The following SAMM50 variants were observed in gnomAD, a reference collection of about 807,000 sequenced individuals.
The protein encoded by SAMM50 is SAMM50 sorting and assembly machinery component, also known as sorting and assembly machinery component 50 homolog.
In SAMM50, 47 loss-of-function variants were observed where a neutral mutation model predicts 66.9. The observed-to-expected ratio is 0.70, with a 90% CI of 0.56 to 0.90. The LOEUF is 0.90. Ranked by LOEUF, SAMM50 falls within the 40% of genes least tolerant of loss-of-function variation. SAMM50 has a pLI of 0.00. For missense variants in SAMM50, 535 were observed against 595.3 expected, an observed-to-expected ratio of 0.90 and a Z score of 1.05; for synonymous variants, 191 against 214.1, an observed-to-expected ratio of 0.89 and a Z score of 0.94.
chr22:43,971,688 G>A (rs929975703), intron 4 of SAMM50, among the ~76,000 whole-genome samples: 15 of 152,040 alleles, frequency 9.9e-5, no homozygotes, highest in African/African-American at 3.1e-4. Context: ...TTGTAGCAAA[G>A]GTAGATTGTT....
At chr22:43,986,440 C>T (rs1428991735) in intron 12 of SAMM50, 2 of 152,172 alleles carry the variant, frequency 1.3e-5, no homozygotes, top group Non-Finnish European at 2.9e-5. Flanking sequence ...CTCCTAGAAC[C>T]GTCTCTGACA....
chr22:43,966,858 T>C (rs1430254311), intron 3 of SAMM50, among the ~76,000 whole-genome samples: 2 of 152,118 alleles, frequency 1.3e-5, no homozygotes, highest in Non-Finnish European at 2.9e-5. Context: ...GTGAATTAAC[T>C]TGGTGTCTTC....
At chr22:43,964,875 G>C (rs9626072) in intron 3 of SAMM50, among the ~76,000 whole-genome samples, 1,809 of 152,252 alleles carry the variant, frequency 0.012, 42 homozygotes, top group African/African-American at 0.042. Context: ...CCCAGGCACC[G>C]CGCTGAGTTC....
chr22:43,964,544 C>T lies in SAMM50; in HGVS notation c.225C>T (p.Asn75=). The stretch of plus-strand genomic sequence containing the variant: ...TTGGAGATGTTTTCAAGGCCAAAAA[C>T]CTAATTGAGGTAGGTGTGGTCTCTA... ...CEIGDVFKAK[N]LIEVMRKSHE... is the part of the protein sequence containing the mutation. The change falls in exon 3 of 15, where the codon AAC becomes AAT. Residue 75 remains asparagine, a synonymous_variant. Coordinates refer to ENST00000350028, the MANE Select transcript of SAMM50 (RefSeq NM_015380.5). The T allele has an allele frequency of 6.3e-7, 1 of 1,577,342 alleles. No individual in the cohort carries two copies. The highest frequency in any genetic ancestry group is 8.7e-7 in the Non-Finnish European group (1 of 1,146,652).
At chr22:43,971,383 C>T (rs1475747660) in intron 4 of SAMM50, among the ~76,000 whole-genome samples, 2 of 152,214 alleles carry the variant, frequency 1.3e-5, no homozygotes, top group Admixed American at 6.5e-5. Context: ...CTGCACAAGG[C>T]ACCCCAGGGC....
intron 12 of SAMM50, chr22:43,987,037 T>G (rs2050298171): frequency 1.3e-5 from 2 of 152,256 alleles, no homozygotes; most frequent in Non-Finnish European, 2.9e-5. Context: ...TTTCATCTGT[T>G]TATTATAAGC....
In SAMM50 at chr22:43,972,982, C is replaced by T. The variant is rs535356871; in HGVS notation, c.541C>T (p.Pro181Ser). The T allele has an allele frequency of 6.3e-7, 1 of 1,590,402 alleles. No individual in the cohort carries two copies. The highest frequency in any genetic ancestry group is 8.5e-7 in the Non-Finnish European group (1 of 1,174,534). ...TGGCCTGTCCTTCTTCAAACCACGG[C>T]CCGGAAACTTCGAAAGAAAGTAGGA... is the stretch of plus-strand genomic sequence containing the variant. The part of the protein sequence containing the change: ...SYGLSFFKPR[P>S]GNFERNFSVN... Residue 181 changes from proline to serine, a missense_variant, in exon 6 of 15, where the codon CCC becomes TCC. Coordinates refer to ENST00000350028, the MANE Select transcript of SAMM50 (RefSeq NM_015380.5).
intron 1 of SAMM50, 79 bp from the exon 2 acceptor site, chr22:43,963,207 T>G (rs1603418658): frequency 2.3e-6 from 2 of 855,202 alleles, no homozygotes; most frequent in South Asian, 3.6e-5. Flanking sequence ...TGCAGCACCA[T>G]CTAAAGACAA....
chr22:43,962,075 T>G (rs893372339), intron 1 of SAMM50, among the ~76,000 whole-genome samples: 5 of 152,128 alleles, frequency 3.3e-5, no homozygotes, highest in African/African-American at 1.2e-4. Flanking sequence ...TCATCGTAAG[T>G]TGAAATGTAA....
At chr22:43,956,452 C>T (rs1421087151) in intron 1 of SAMM50, among the ~76,000 whole-genome samples, 2 of 152,212 alleles carry the variant, frequency 1.3e-5, no homozygotes, top group African/African-American at 2.4e-5. Flanking sequence ...GACTTAACTT[C>T]CCTTTATATG....
In SAMM50 at chr22:43,963,295, C is replaced by G; in HGVS notation, c.31C>G (p.Pro11Ala). The G allele has an allele frequency of 6.2e-7, 1 of 1,607,354 alleles. No individual in the cohort carries two copies. The highest frequency in any genetic ancestry group is 8.5e-7 in the Non-Finnish European group (1 of 1,176,734). Residue 11 changes from proline (P) to alanine (A), a missense_variant, in exon 2 of 15, where the codon CCT (proline) becomes GCT (alanine). Transcript: ENST00000350028. ...GCTCCCTCCCTTTCAGAGTTTGGAG[C>G]CTCTTCCATCAAGTGGACCTGATTT... MGTVHARSLE[P>A]LPSSGPDFGG...
rs556661981 is a variant in SAMM50, at chr22:43,956,210, C to G, written c.21+612C>G. On this transcript the variant is annotated intron_variant, in intron 1 of 14. Coordinates refer to ENST00000350028, the MANE Select transcript of SAMM50 (RefSeq NM_015380.5). ...TAACTGTACTGGTTGCCAAACTCCT[C>G]TCGTTTATCCTAATCTTAAATAAGG... 4.6e-5 allele frequency among the ~76,000 whole-genome samples: 7 copies of G among 152,330 alleles called. No homozygotes were observed. The East Asian group carries it at 1.2e-3, about 25-fold the overall frequency.
In SAMM50 at chr22:43,970,779, A is replaced by G. The variant is rs376075120; in HGVS notation, c.323-1457A>G. On this transcript the variant is annotated intron_variant, in intron 4 of 14. Coordinates refer to ENST00000350028, the MANE Select transcript of SAMM50 (RefSeq NM_015380.5). ...CCGCAACCCACTGTTGCTGGCTTCA[A>G]TTCTTTATCTTTCTGTGCGCCTAAA... 2.1e-4 allele frequency among the ~76,000 whole-genome samples: 32 copies of G among 152,074 alleles called. 1 individual carries two copies. Among genetic ancestry groups the G allele is most frequent in the East Asian group, 5.8e-4 (3 of 5,200 alleles).
At chr22:43,959,516 A>ACACACACACG (rs969022008) in intron 1 of SAMM50, among the ~76,000 whole-genome samples, 1 of 150,524 alleles carries the variant, frequency 6.6e-6, no homozygotes, top group Non-Finnish European at 1.5e-5. Flanking sequence ...TTACACACAC[A>ACACACACACG]CACACACACA....
chr22:43,990,459 A>G, intron 14 of SAMM50, 53 bp downstream of exon 14: 1 of 1,575,112 alleles, frequency 6.3e-7, no homozygotes, highest in Non-Finnish European at 8.7e-7. Flanking sequence ...CAGTAATTTT[A>G]TTTTGTTTTG....
Position 43,996,458 on chromosome 22 carries a change from A to T in SAMM50, c.*75A>T. 1 of 1,406,140 alleles carries T rather than the reference A, an allele frequency of 7.1e-7. No individual in the cohort carries two copies. The highest frequency in any genetic ancestry group is 1.7e-5 in the Admixed American group (1 of 59,530). The allele number at this position is 1,406,140 out of a possible 1,614,324, so 87.1% of individuals were successfully genotyped here. On this transcript the variant is annotated 3_prime_UTR_variant, in exon 15 of 15. Transcript: ENST00000350028. ...CCATGCCACACACCGTCTCTCGAGG[A>T]AACGCGGTTCAGCGATTCTTTGACT...
chr22:43,984,486 T>C (rs998432980), intron 12 of SAMM50, among the ~76,000 whole-genome samples: 9 of 149,716 alleles, frequency 6.0e-5, no homozygotes, highest in Middle Eastern at 3.2e-3. Flanking sequence ...CTAATTTTTG[T>C]ATTTTTAGTA....
intron 10 of SAMM50, 69 bp downstream of exon 10, chr22:43,978,027 T>C: frequency 1.9e-6 from 2 of 1,027,556 alleles, no homozygotes; most frequent in Non-Finnish European, 3.0e-6. Context: ...CACAGAATCT[T>C]AGCTCCTGAA....
intron 14 of SAMM50, among the ~76,000 whole-genome samples, chr22:43,993,476 T>C (rs2050336612): frequency 6.6e-6 from 1 of 152,254 alleles, no homozygotes; most frequent in African/African-American, 2.4e-5. Flanking sequence ...AGGTTAAATC[T>C]AAAAAACACG....
Sources: allele counts gnomAD v4.1 joint callset (sites outside exome capture counted in the v4.1 genomes callset), GRCh38; gene constraint gnomAD v4.1.1; transcripts MANE v1.5; gene names NCBI Gene and HGNC (gene_info 2026-07-23, HGNC 2026-07-21).